The following PTPRT variants were observed in gnomAD, a reference collection of about 807,000 sequenced individuals.
PTPRT encodes the protein receptor-type tyrosine-protein phosphatase T.
A neutral mutation model predicts 176.8 loss-of-function variants in PTPRT; 56 were observed. The ratio of observed to expected loss-of-function variants is 0.32; its 90% CI spans 0.26 to 0.40. The LOEUF is 0.40. Ranked by LOEUF, PTPRT falls within the 10% of genes least tolerant of loss-of-function variation. The pLI, the probability that PTPRT is intolerant of heterozygous loss-of-function variation, is 1.00. For missense variants in PTPRT, 1,540 were observed against 1,908.2 expected (o/e 0.81, Z 3.60); for synonymous variants, 783 against 739.0 (o/e 1.06, Z -0.96).
intron 11 of PTPRT, among the ~76,000 whole-genome samples, chr20:42,330,156 T>A (rs776281017): frequency 1.3e-5 from 2 of 152,192 alleles, no homozygotes; most frequent in Non-Finnish European, 2.9e-5. Flanking sequence ...TCCAGTAATG[T>A]ATAAAAGATA....
chr20:43,083,355 T>TATATATATAC (rs2011513548), intron 1 of PTPRT, among the ~76,000 whole-genome samples: 1 of 127,322 alleles, frequency 7.9e-6, no homozygotes, highest in African/African-American at 3.1e-5. Flanking sequence ...TATATATATA[T>TATATATATAC]ATATATATAT....
chr20:42,949,535 A>C (rs1035857737), intron 1 of PTPRT, among the ~76,000 whole-genome samples: 5 of 152,226 alleles, frequency 3.3e-5, no homozygotes, highest in African/African-American at 1.2e-4. Context: ...AAGAAGAAGC[A>C]AGGTTCCAGT....
chr20:42,325,952 T>C (rs1185842659), intron 11 of PTPRT, among the ~76,000 whole-genome samples: 1 of 152,192 alleles, frequency 6.6e-6, no homozygotes, highest in African/African-American at 2.4e-5. Context: ...TGAATGGTCT[T>C]CCCTTGGAGA....
intron 1 of PTPRT, among the ~76,000 whole-genome samples, chr20:43,096,716 G>A (rs1380469701): frequency 6.6e-6 from 1 of 152,214 alleles, no homozygotes; most frequent in African/African-American, 2.4e-5. Flanking sequence ...CCATCCCCAA[G>A]GGCCTGGCTG....
At chr20:42,168,324 G>C (rs551934495) in intron 16 of PTPRT, among the ~76,000 whole-genome samples, 1 of 152,160 alleles carries the variant, frequency 6.6e-6, no homozygotes, top group Non-Finnish European at 1.5e-5. Flanking sequence ...ATTTGTAATT[G>C]CTGATGGTGA....
chr20:42,745,712 T>A (rs1360630960), intron 6 of PTPRT, among the ~76,000 whole-genome samples: 3 of 152,188 alleles, frequency 2.0e-5, no homozygotes, highest in Non-Finnish European at 4.4e-5. Context: ...AGAAAAAATA[T>A]TCCATATATA....
At chr20:43,034,533 T>G (rs1383135182) in intron 1 of PTPRT, among the ~76,000 whole-genome samples, 1 of 137,770 alleles carries the variant, frequency 7.3e-6, no homozygotes, top group Non-Finnish European at 1.5e-5. Context: ...AGAGATGATG[T>G]CTTCACTAAT....
Position 42,833,819 on chromosome 20 carries a change from G to A in PTPRT, c.215-42353C>T, listed in dbSNP as rs191044434. Among the ~76,000 whole-genome samples, 285 of 152,178 alleles carry A rather than the reference G, an allele frequency of 1.9e-3. 1 individual carries two copies. Among genetic ancestry groups the A allele is most frequent in the Non-Finnish European group, 3.2e-3 (219 of 68,000 alleles). ...GAACAATTAGACATTCACACGGAGC[G>A]GGGGGAAGAAAGGAGGACCCTTGAC... On this transcript the variant is annotated intron_variant, in intron 2 of 30. Coordinates refer to ENST00000373187, the MANE Select transcript of PTPRT (RefSeq NM_007050.6).
intron 14 of PTPRT, among the ~76,000 whole-genome samples, chr20:42,243,991 T>C (rs2056404792): frequency 6.6e-6 from 1 of 152,186 alleles, no homozygotes; most frequent in South Asian, 2.1e-4. Flanking sequence ...CCTGGTACAG[T>C]TGATGGTCAT....
At chr20:42,058,808 A>G in the PTPRT span, among the ~76,000 whole-genome samples, 1 of 152,164 alleles carries the variant, frequency 6.6e-6, no homozygotes, top group South Asian at 2.1e-4. Context: ...CTGCTCCCAA[A>G]CAAGGCCTAA....
intron 11 of PTPRT, among the ~76,000 whole-genome samples, chr20:42,317,647 A>G (rs2057739582): frequency 6.6e-6 from 1 of 152,218 alleles, no homozygotes; most frequent in South Asian, 2.1e-4. Flanking sequence ...TTGATTAAGG[A>G]GTACAACTTG....
intron 1 of PTPRT, among the ~76,000 whole-genome samples, chr20:43,093,732 T>C (rs2011984917): frequency 6.6e-6 from 1 of 152,168 alleles, no homozygotes; most frequent in Admixed American, 6.6e-5. Context: ...CCCCTAACCA[T>C]GGCCCTGGAG....
At chr20:42,997,490 T>C (rs1984287090) in intron 1 of PTPRT, among the ~76,000 whole-genome samples, 1 of 152,100 alleles carries the variant, frequency 6.6e-6, no homozygotes, top group Admixed American at 6.6e-5. Flanking sequence ...ACTCCCTTGA[T>C]AGTCAGGGAA....
intron 1 of PTPRT, among the ~76,000 whole-genome samples, chr20:43,051,275 A>G (rs180942125): frequency 6.6e-6 from 1 of 152,302 alleles, no homozygotes; most frequent in East Asian, 1.9e-4. Context: ...TCTTGCCACA[A>G]AGGTCCTGTC....
chr20:43,123,998 G>A (rs948964919), intron 1 of PTPRT, among the ~76,000 whole-genome samples: 31 of 152,130 alleles, frequency 2.0e-4, no homozygotes, highest in African/African-American at 6.5e-4. Context: ...TTTTATTTCC[G>A]ACAAACAAAG....
At chr20:43,034,374 T>C (rs995921008) in intron 1 of PTPRT, among the ~76,000 whole-genome samples, 2 of 152,044 alleles carry the variant, frequency 1.3e-5, no homozygotes, top group African/African-American at 4.8e-5. Flanking sequence ...TCACGATTGC[T>C]ACTGCTGTTA....
chr20:43,085,394 T>C (rs771847531), intron 1 of PTPRT, among the ~76,000 whole-genome samples: 4 of 152,216 alleles, frequency 2.6e-5, no homozygotes, highest in African/African-American at 9.6e-5. Context: ...TCTATTAGCA[T>C]ATAATCTGGG....
chr20:43,119,258 G>T (rs1269431719), intron 1 of PTPRT, among the ~76,000 whole-genome samples: 2 of 152,112 alleles, frequency 1.3e-5, no homozygotes, highest in African/African-American at 4.8e-5. Context: ...TCATCATTTA[G>T]CTCCTGGTTT....
chr20:42,195,408 G>T (rs1991174365), intron 16 of PTPRT, among the ~76,000 whole-genome samples: 1 of 152,164 alleles, frequency 6.6e-6, no homozygotes. Context: ...CACAAAAATA[G>T]ATTCAATTCT....
Sources: allele counts gnomAD v4.1 joint callset (sites outside exome capture counted in the v4.1 genomes callset), GRCh38; gene constraint gnomAD v4.1.1; transcripts MANE v1.5; gene names NCBI Gene and HGNC (gene_info 2026-07-23, HGNC 2026-07-21).